The following EIF2AK3 variants were observed in gnomAD, a reference collection of about 807,000 sequenced individuals.
EIF2AK3 encodes the protein eukaryotic translation initiation factor 2-alpha kinase 3.
EIF2AK3 carries 50 observed loss-of-function variants against 113.5 expected under a neutral mutation model. The observed-to-expected ratio is 0.44, with a 90% confidence interval of 0.35 to 0.56. EIF2AK3 has a LOEUF of 0.56. Ranked by LOEUF, EIF2AK3 falls within the 20% of genes least tolerant of loss-of-function variation. EIF2AK3 has a pLI of 0.00. For missense variants in EIF2AK3, 1,185 were observed against 1,378.0 expected (o/e 0.86, Z 2.22); for synonymous variants, 448 against 495.4 (o/e 0.90, Z 1.27).
intron 2 of EIF2AK3, among the ~76,000 whole-genome samples, chr2:88,604,771 G>A (rs1285838085): frequency 6.6e-6 from 1 of 152,218 alleles, no homozygotes; most frequent in Non-Finnish European, 1.5e-5. Context: ...TGCTCAAAAT[G>A]TGCTGAGCTA....
intron 2 of EIF2AK3, among the ~76,000 whole-genome samples, chr2:88,613,020 A>G (rs1006263814): frequency 2.6e-5 from 4 of 152,230 alleles, no homozygotes; most frequent in Non-Finnish European, 5.9e-5. Context: ...GACTTAATCC[A>G]TCAGAATTGA....
intron 4 of EIF2AK3, among the ~76,000 whole-genome samples, chr2:88,592,334 T>C (rs935673764): frequency 2.4e-4 from 36 of 152,302 alleles, no homozygotes; most frequent in African/African-American, 7.0e-4. Context: ...TATTTTAAAA[T>C]TGAGATAATC....
chr2:88,627,400 G>A lies in EIF2AK3; in HGVS notation c.-126C>T, dbSNP rs956777061. 8.3e-7 allele frequency: 1 copy of A among 1,201,314 alleles called. No individual in the cohort carries two copies. Among genetic ancestry groups the A allele is most frequent in the Non-Finnish European group, 1.1e-6 (1 of 932,712 alleles). 74.4% of individuals were successfully genotyped at this position (1,201,314 alleles called of 1,614,324 possible). Reference sequence around the variant, plus strand: ...TACTGCCGCCCCGACGGCCTGGACAGCCAGCCGTGTTCCCCTGGCCACGTC... The same window carrying A: ...TACTGCCGCCCCGACGGCCTGGACAACCAGCCGTGTTCCCCTGGCCACGTC... On this transcript the variant is annotated 5_prime_UTR_variant, in exon 1 of 17. Transcript: ENST00000303236.
rs577678628 is a variant in EIF2AK3 at position 88,592,368 on chromosome 2, CATAATT to C, written c.767+898_767+903del. Among the ~76,000 whole-genome samples the C allele has an allele frequency of 1.3e-3, 196 of 152,262 alleles. 6 individuals carry two copies. The South Asian group carries it at 0.029, about 23-fold the overall frequency. On this transcript the variant is annotated intron_variant, in intron 4 of 16. Transcript: ENST00000303236. ...TCAAACTATGAAACTACCTACTAGA[CATAATT>C]AGAGAGTCAAATAAGTTCAAGCTCA...
rs1472026404 is a variant in EIF2AK3 at position 88,556,985 on chromosome 2, T to G, written c.*751A>C. 6.6e-6 allele frequency: 1 copy of G among 152,242 alleles called. No individual in the cohort carries two copies. Among genetic ancestry groups the G allele is most frequent in the Non-Finnish European group, 1.5e-5 (1 of 68,056 alleles). 9.4% of individuals were successfully genotyped at this position (152,242 alleles called of 1,614,324 possible). A position where few individuals can be genotyped will look rare whatever the true frequency, so the allele number is the denominator to read the frequency against. On this transcript the variant is annotated 3_prime_UTR_variant, in exon 17 of 17. Coordinates refer to ENST00000303236, the MANE Select transcript of EIF2AK3 (RefSeq NM_004836.7). ...GATTACATATAAGACACTTAAGATT[T>G]CATTAGGCTTAAAAAGTCCATAGTT...
At position 88,627,417 on chromosome 2, in the gene EIF2AK3, G is replaced by A. The variant is rs1409605614; in HGVS notation, c.-143C>T. ...CCTGGACAGCCAGCCGTGTTCCCCT[G>A]GCCACGTCTCAGCCCGGCCTCTGCC... On this transcript the variant is annotated 5_prime_UTR_variant, in exon 1 of 17. Coordinates refer to ENST00000303236, the MANE Select transcript of EIF2AK3 (RefSeq NM_004836.7). 1.2e-5 allele frequency: 13 copies of A among 1,070,262 alleles called. No individual in the cohort carries two copies. In the East Asian group the frequency reaches 3.0e-4, roughly 25 times the overall value. The allele number at this position is 1,070,262 out of a possible 1,614,324, so 66.3% of individuals were successfully genotyped here.
intron 15 of EIF2AK3, among the ~76,000 whole-genome samples, chr2:88,561,860 A>AG (rs1384963497): frequency 6.6e-6 from 1 of 152,038 alleles, no homozygotes; most frequent in Non-Finnish European, 1.5e-5. Context: ...CCTTGCCTTG[A>AG]GAAAAAAAAA....
intron 2 of EIF2AK3, among the ~76,000 whole-genome samples, chr2:88,601,976 C>T (rs1405876796): frequency 6.6e-6 from 1 of 151,524 alleles, no homozygotes; most frequent in Non-Finnish European, 1.5e-5. Context: ...CTCAGCCTCC[C>T]GAGTAGGTGG....
intron 13 of EIF2AK3, among the ~76,000 whole-genome samples, chr2:88,571,385 C>T (rs1285741572): frequency 6.6e-6 from 1 of 152,136 alleles, no homozygotes; most frequent in Non-Finnish European, 1.5e-5. Flanking sequence ...GACTTAAAGC[C>T]TTAATAATTA....
chr2:88,566,440 C>T (rs1189228877), intron 14 of EIF2AK3, among the ~76,000 whole-genome samples: 1 of 152,146 alleles, frequency 6.6e-6, no homozygotes, highest in East Asian at 1.9e-4. Context: ...CCACAGTGCC[C>T]AGCTTCTTTC....
intron 1 of EIF2AK3, among the ~76,000 whole-genome samples, chr2:88,618,435 CTTCA>C (rs1425636122): frequency 2.6e-5 from 4 of 152,188 alleles, no homozygotes; most frequent in African/African-American, 9.6e-5. Context: ...CTCCTCATGG[CTTCA>C]TTCGAGTTAT....
At chr2:88,620,581 A>T (rs1301453651) in intron 1 of EIF2AK3, among the ~76,000 whole-genome samples, 1 of 152,204 alleles carries the variant, frequency 6.6e-6, no homozygotes, top group Non-Finnish European at 1.5e-5. Context: ...AGTCTCATGG[A>T]TCCCCATTTT....
chr2:88,591,130 A>G, intron 4 of EIF2AK3, 78 bp from the exon 5 acceptor site: 1 of 1,285,644 alleles, frequency 7.8e-7, no homozygotes, highest in East Asian at 2.4e-5. Context: ...TTCTAGATTG[A>G]AGAAGCAAAT....
At chr2:88,594,347 C>A (rs960462198) in intron 3 of EIF2AK3, among the ~76,000 whole-genome samples, 2 of 152,212 alleles carry the variant, frequency 1.3e-5, no homozygotes, top group African/African-American at 4.8e-5. Flanking sequence ...CGTGCGTGCG[C>A]CACCATCCCC....
intron 1 of EIF2AK3, among the ~76,000 whole-genome samples, chr2:88,618,189 A>G (rs1573424864): frequency 6.6e-6 from 1 of 152,222 alleles, no homozygotes; most frequent in Middle Eastern, 3.4e-3. Context: ...CTCCAGAAAG[A>G]AGAAGAAACA....
At chr2:88,568,339 G>T (rs1229235251) in intron 14 of EIF2AK3, among the ~76,000 whole-genome samples, 3 of 152,178 alleles carry the variant, frequency 2.0e-5, no homozygotes, top group African/African-American at 7.2e-5. Flanking sequence ...TTTTCACTGT[G>T]TTGACATTTG....
At chr2:88,625,959 A>T (rs1675847098) in intron 1 of EIF2AK3, among the ~76,000 whole-genome samples, 1 of 152,188 alleles carries the variant, frequency 6.6e-6, no homozygotes, top group Non-Finnish European at 1.5e-5. Context: ...TTTAAAATTA[A>T]ATCTAACTTG....
intron 2 of EIF2AK3, among the ~76,000 whole-genome samples, chr2:88,606,669 T>C (rs143039688): frequency 6.6e-6 from 1 of 152,348 alleles, no homozygotes; most frequent in Non-Finnish European, 1.5e-5. Context: ...CCTCTTTTAA[T>C]AAATACTTAA....
intron 15 of EIF2AK3, among the ~76,000 whole-genome samples, chr2:88,560,297 G>A (rs1673913992): frequency 6.6e-6 from 1 of 152,102 alleles, no homozygotes; most frequent in African/African-American, 2.4e-5. Context: ...TTTTTAAAAT[G>A]AGTTGTCTTT....
Sources: gnomAD v4.1 joint callset for allele counts (sites outside exome capture counted in the v4.1 genomes callset) on GRCh38, gnomAD v4.1.1 for gene constraint, MANE v1.5 for transcripts, NCBI Gene and HGNC (gene_info 2026-07-23, HGNC 2026-07-21) for gene names.